The following UBR1 variants were observed in gnomAD, a reference collection of about 807,000 sequenced individuals.
UBR1 encodes the protein E3 ubiquitin-protein ligase UBR1.
Under a neutral mutation model 242.1 loss-of-function variants are expected in UBR1, and 102 were observed. The ratio of observed to expected loss-of-function variants is 0.42; its 90% CI spans 0.36 to 0.50. The LOEUF (loss-of-function observed/expected upper bound fraction) is 0.50, where lower values mean the gene tolerates loss of function less well. Among genes scored for constraint, UBR1 ranks in the 20% least tolerant of loss-of-function variants. The pLI is 0.01. For missense variants in UBR1, 1,772 were observed against 2,101.8 expected (o/e 0.84, Z 3.07); for synonymous variants, 675 against 684.8 (o/e 0.99, Z 0.22).
intron 15 of UBR1, 109 bp downstream of exon 15, chr15:43,043,106 G>A: frequency 1.6e-6 from 2 of 1,221,754 alleles, no homozygotes; most frequent in Middle Eastern, 2.0e-4. Context: ...TCTGACCTGA[G>A]CATGTCTGTA....
At chr15:42,988,468 G>A (rs2032508713) in intron 35 of UBR1, 1 of 274,288 alleles carries the variant, frequency 3.6e-6, no homozygotes, top group East Asian at 9.2e-5. Context: ...CTAATTTTTT[G>A]TAGACAATCT....
chr15:43,063,318 C>G (rs1470526746), intron 6 of UBR1, among the ~76,000 whole-genome samples: 2 of 152,206 alleles, frequency 1.3e-5, no homozygotes, highest in East Asian at 3.9e-4. Context: ...TGAAAACCGA[C>G]AAAGCACAGC....
intron 37 of UBR1, among the ~76,000 whole-genome samples, chr15:42,980,189 T>C (rs1158283602): frequency 1.3e-5 from 2 of 152,228 alleles, no homozygotes; most frequent in South Asian, 4.1e-4. Flanking sequence ...CTTTGTGTCA[T>C]CAAATTTTTC....
chr15:43,101,074 C>A (rs1039574346), intron 1 of UBR1, among the ~76,000 whole-genome samples: 1 of 152,162 alleles, frequency 6.6e-6, no homozygotes, highest in Non-Finnish European at 1.5e-5. Context: ...CTAGGAAAAG[C>A]AAACAGCAAG....
intron 39 of UBR1, among the ~76,000 whole-genome samples, chr15:42,973,492 C>A (rs114026095): frequency 0.022 from 3,306 of 152,168 alleles, 116 homozygotes; most frequent in African/African-American, 0.074. Flanking sequence ...ACAGGTTTTC[C>A]TCATGTTGGT....
chr15:43,024,549 T>C (rs2033154449), intron 25 of UBR1, among the ~76,000 whole-genome samples: 1 of 152,214 alleles, frequency 6.6e-6, no homozygotes, highest in Non-Finnish European at 1.5e-5. Flanking sequence ...ATTAAAAATA[T>C]AAAAAATCAT....
chr15:42,992,139 T>C (rs2032565841), intron 33 of UBR1, among the ~76,000 whole-genome samples: 1 of 152,210 alleles, frequency 6.6e-6, no homozygotes, highest in African/African-American at 2.4e-5. Context: ...TTGGTTTTTT[T>C]AGTTCCTATT....
At chr15:42,987,957 A>T (rs930321942) in intron 35 of UBR1, among the ~76,000 whole-genome samples, 2 of 152,108 alleles carry the variant, frequency 1.3e-5, no homozygotes, top group East Asian at 3.9e-4. Flanking sequence ...GAACAAATGC[A>T]CTAACTTAAA....
In UBR1 at chr15:42,988,975, T is replaced by A. The variant is rs759219625; in HGVS notation, c.3849-8A>T. ...CTATTTGAATATTTAATCCTATAAA[T>A]AAAACAAGAAAATTTGTATGATTTA... On this transcript the variant is annotated splice_region_variant and splice_polypyrimidine_tract_variant and intron_variant, in intron 34 of 46. Coordinates refer to ENST00000290650, the MANE Select transcript of UBR1 (RefSeq NM_174916.3). The A allele has an allele frequency of 1.9e-6, 3 of 1,590,182 alleles. No homozygotes were observed. In the South Asian group the frequency reaches 3.3e-5, roughly 18 times the overall value.
intron 4 of UBR1, 80 bp downstream of exon 4, chr15:43,074,899 C>T (rs368300090): frequency 1.7e-6 from 2 of 1,183,760 alleles, no homozygotes; most frequent in South Asian, 2.4e-5. Flanking sequence ...TAACTGGAAT[C>T]TATACACATA....
chr15:42,984,005 G>C lies in UBR1; in HGVS notation c.4054-12C>G. On this transcript the variant is annotated splice_polypyrimidine_tract_variant and intron_variant, in intron 36 of 46. Coordinates refer to ENST00000290650, the MANE Select transcript of UBR1 (RefSeq NM_174916.3). ...TTCAGACCATTATGCTAGATTGTAA[G>C]AGAGAAGGAAGATAAAAAGATGAGG... 1.2e-6 allele frequency: 2 copies of C among 1,606,532 alleles called. No individual in the cohort carries two copies. The highest frequency in any genetic ancestry group is 1.1e-5 in the South Asian group (1 of 90,522).
rs376325039 is a variant in UBR1, at chr15:43,079,596, G to A, written c.417+3042C>T. 2.6e-4 allele frequency among the ~76,000 whole-genome samples: 39 copies of A among 152,088 alleles called. 2 individuals carry two copies. The highest frequency in any genetic ancestry group is 1.9e-3 in the South Asian group (9 of 4,824). On this transcript the variant is annotated intron_variant, in intron 3 of 46. Coordinates refer to ENST00000290650, the MANE Select transcript of UBR1 (RefSeq NM_174916.3). ...AGATCGAGACCATCCTGGCTAACAC[G>A]GTGAAACCCCGTCTCTACTAAAAAA...
chr15:42,980,734 G>A (rs1197472757), intron 37 of UBR1, among the ~76,000 whole-genome samples: 3 of 151,884 alleles, frequency 2.0e-5, no homozygotes, highest in South Asian at 2.1e-4. Flanking sequence ...TCAGCCTCCC[G>A]AGTAGCCAGT....
Position 43,030,080 on chromosome 15 carries a change from A to C in UBR1, c.2255-12T>G. ...TACATAACGCTCACCTAGTTCAAAT[A>C]ATTAAAAACAAAAAAAAAGTAGAAT... On this transcript the variant is annotated splice_polypyrimidine_tract_variant and intron_variant, in intron 20 of 46. Transcript: ENST00000290650. The C allele has an allele frequency of 6.2e-7, 1 of 1,612,824 alleles. No homozygotes were observed. Among genetic ancestry groups the C allele is most frequent in the South Asian group, 1.1e-5 (1 of 90,816 alleles).
chr15:42,957,315 A>G (rs2031938008), intron 44 of UBR1, among the ~76,000 whole-genome samples: 1 of 152,232 alleles, frequency 6.6e-6, no homozygotes, highest in Non-Finnish European at 1.5e-5. Flanking sequence ...TATATCCAGA[A>G]TAGGCAAATC....
intron 15 of UBR1, among the ~76,000 whole-genome samples, chr15:43,040,183 A>G (rs1005615961): frequency 2.6e-5 from 4 of 152,174 alleles, no homozygotes; most frequent in Admixed American, 2.0e-4. Flanking sequence ...GCATCATGCT[A>G]CCTGACTTCA....
intron 6 of UBR1, among the ~76,000 whole-genome samples, chr15:43,064,585 T>G (rs1318961466): frequency 6.6e-6 from 1 of 151,702 alleles, no homozygotes; most frequent in Non-Finnish European, 1.5e-5. Context: ...ATCTTTTTTT[T>G]TTTTTTTTTG....
chr15:42,986,368 T>C (rs538031993), intron 35 of UBR1, among the ~76,000 whole-genome samples: 59 of 152,360 alleles, frequency 3.9e-4, no homozygotes, highest in Non-Finnish European at 4.7e-4. Context: ...TACTAGATTA[T>C]AGAACCACAT....
At chr15:43,034,551 T>C (rs914494335) in intron 19 of UBR1, among the ~76,000 whole-genome samples, 6 of 152,034 alleles carry the variant, frequency 3.9e-5, no homozygotes, top group African/African-American at 7.2e-5. Flanking sequence ...AGAGCTTAAA[T>C]AGGACTTTCT....
Sources: gnomAD v4.1 joint callset for allele counts (sites outside exome capture counted in the v4.1 genomes callset) on GRCh38, gnomAD v4.1.1 for gene constraint, MANE v1.5 for transcripts, NCBI Gene and HGNC (gene_info 2026-07-23, HGNC 2026-07-21) for gene names.